Variants in SNX29 observed in about 807,000 individuals in gnomAD.
The protein encoded by SNX29 is sorting nexin 29.
In SNX29, 78 loss-of-function variants were observed where a neutral mutation model predicts 102.1. The observed-to-expected ratio is 0.76, with a 90% CI of 0.64 to 0.92. The LOEUF (loss-of-function observed/expected upper bound fraction) is 0.92. Among genes scored for constraint, SNX29 ranks in the 40% least tolerant of loss-of-function variants. The probability of loss-of-function intolerance (pLI) is 0.00; values close to 1 mark genes in which losing one functional copy is unlikely to be tolerated. For synonymous variants in SNX29, 580 were observed against 414.5 expected (o/e 1.40, Z -4.85); for missense variants, 1,280 against 1,061.7 (o/e 1.21, Z -2.86).
At chr16:11,988,586 G>A (rs954666268) in intron 1 of SNX29, among the ~76,000 whole-genome samples, 2 of 152,130 alleles carry the variant, frequency 1.3e-5, no homozygotes. Context: ...TTTTTGTAGG[G>A]ACGGGGTGTC....
Position 12,402,846 on chromosome 16 carries a change from A to T in SNX29, c.1956-602A>T, listed in dbSNP as rs575872685. On this transcript the variant is annotated intron_variant, in intron 17 of 20. Transcript: ENST00000566228. ...TGAAAGAGAGGTATTTGTACCCATC[A>T]GCCTGGTTTTCTAACTTGTCATTTT... Among the ~76,000 whole-genome samples, 11 of 152,318 alleles carry T rather than the reference A, an allele frequency of 7.2e-5. No homozygotes were observed. In the East Asian group the frequency reaches 1.9e-3, roughly 27 times the overall value.
rs539814148 is a variant in SNX29 at position 12,096,842 on chromosome 16, G to T, written c.1402+17927G>T. On this transcript the variant is annotated intron_variant, in intron 11 of 20. Coordinates refer to ENST00000566228, the MANE Select transcript of SNX29 (RefSeq NM_032167.5). The surrounding 1 kb of genome is among the most constrained non-coding windows in gnomAD (Gnocchi z 4.2). The stretch of plus-strand genomic sequence containing the variant: ...ATGCTGGTCACTCATATAGACCCTG[G>T]ATTCCTTGCTCCCAGGAGGGGAAGG... Among the ~76,000 whole-genome samples the T allele has an allele frequency of 1.3e-5, 2 of 152,320 alleles. 1 individual carries two copies. The highest frequency in any genetic ancestry group is 4.8e-5 in the African/African-American group (2 of 41,580).
At chr16:12,516,000 G>C (rs1260846596) in intron 19 of SNX29, among the ~76,000 whole-genome samples, 1 of 152,132 alleles carries the variant, frequency 6.6e-6, no homozygotes, top group Non-Finnish European at 1.5e-5. Flanking sequence ...GGAAGCAGGG[G>C]AGGGGAGGAT....
intron 15 of SNX29, among the ~76,000 whole-genome samples, chr16:12,320,450 T>C (rs2151171987): frequency 6.6e-6 from 1 of 152,278 alleles, no homozygotes. Context: ...CAGGAAGCGC[T>C]CAGCCACCAT....
At chr16:12,170,597 G>T (rs1567274541) in intron 13 of SNX29, among the ~76,000 whole-genome samples, 1 of 151,966 alleles carries the variant, frequency 6.6e-6, no homozygotes, top group Non-Finnish European at 1.5e-5. Flanking sequence ...GCTCTGACAT[G>T]GGACGGAGGC....
intron 19 of SNX29, among the ~76,000 whole-genome samples, chr16:12,498,401 T>TAAA (rs71816642): frequency 4.0e-5 from 6 of 150,124 alleles, no homozygotes; most frequent in South Asian, 4.2e-4. Flanking sequence ...GTTTGGCATT[T>TAAA]AAAAAAAAAA....
intron 20 of SNX29, among the ~76,000 whole-genome samples, chr16:12,563,697 T>A (rs939363378): frequency 6.6e-6 from 1 of 152,180 alleles, no homozygotes. Flanking sequence ...TGGCCTCATG[T>A]AAGAGGAACA....
chr16:12,018,594 AAAAG>A (rs1018437483), intron 3 of SNX29, among the ~76,000 whole-genome samples: 15 of 152,016 alleles, frequency 9.9e-5, no homozygotes, highest in African/African-American at 3.1e-4. Context: ...AGAAAAAAAA[AAAAG>A]AAAGATATAT....
chr16:12,175,472 T>A (rs1371333166), intron 13 of SNX29, among the ~76,000 whole-genome samples: 1 of 151,546 alleles, frequency 6.6e-6, no homozygotes, highest in East Asian at 1.9e-4. Flanking sequence ...CTGCTAAAAA[T>A]ACAAAACAAA....
At chr16:12,458,053 G>C (rs555942748) in intron 18 of SNX29, among the ~76,000 whole-genome samples, 1 of 152,314 alleles carries the variant, frequency 6.6e-6, no homozygotes, top group East Asian at 1.9e-4. Context: ...GCTTTTCAAA[G>C]AGGAAGATTA....
intron 14 of SNX29, among the ~76,000 whole-genome samples, chr16:12,236,524 C>A (rs8054071): frequency 1.3e-5 from 2 of 152,152 alleles, no homozygotes; most frequent in Admixed American, 1.3e-4. Flanking sequence ...CATGACTTTC[C>A]GCATCCCTGA....
At chr16:12,204,726 G>T (rs1273089943) in intron 14 of SNX29, among the ~76,000 whole-genome samples, 2 of 152,238 alleles carry the variant, frequency 1.3e-5, no homozygotes, top group African/African-American at 4.8e-5. Context: ...AAAAAATTGG[G>T]AAGTCATCAG....
At chr16:12,527,972 C>T (rs981196245) in intron 20 of SNX29, among the ~76,000 whole-genome samples, 1 of 148,360 alleles carries the variant, frequency 6.7e-6, no homozygotes, top group Non-Finnish European at 1.5e-5. Flanking sequence ...CTACATGTGC[C>T]CACCACCATG....
chr16:12,117,577 A>G (rs940942030), intron 11 of SNX29, among the ~76,000 whole-genome samples: 2 of 152,234 alleles, frequency 1.3e-5, no homozygotes, highest in Non-Finnish European at 2.9e-5. Flanking sequence ...ACGTAAATTC[A>G]TAGAGACGCA....
intron 18 of SNX29, among the ~76,000 whole-genome samples, chr16:12,459,230 G>A (rs550841260): frequency 6.6e-6 from 1 of 150,776 alleles, no homozygotes; most frequent in Non-Finnish European, 1.5e-5. Flanking sequence ...TCTCTAGTAG[G>A]TTCCTCTCCT....
intron 11 of SNX29, among the ~76,000 whole-genome samples, chr16:12,086,149 GC>G (rs1280388811): frequency 1.3e-5 from 2 of 151,906 alleles, no homozygotes; most frequent in Non-Finnish European, 2.9e-5. Flanking sequence ...GACTACAGGC[GC>G]CCGCCACCAC....
rs569066657 is a variant in SNX29, at chr16:12,542,481, A to G, written c.2318+17640A>G. Among the ~76,000 whole-genome samples the G allele has an allele frequency of 3.2e-4, 49 of 152,340 alleles. 2 individuals are homozygous for G. In the South Asian group the frequency reaches 9.5e-3, roughly 30 times the overall value. On this transcript the variant is annotated intron_variant, in intron 20 of 20. Coordinates refer to ENST00000566228, the MANE Select transcript of SNX29 (RefSeq NM_032167.5). Reference sequence around the variant, plus strand: ...CAAGTAGCTGGGATTACAGGGACCCACTACCACACCTGGCTCATTTTTGTA... The same window carrying G: ...CAAGTAGCTGGGATTACAGGGACCCGCTACCACACCTGGCTCATTTTTGTA...
At chr16:12,049,184 G>C (rs1037636146) in intron 7 of SNX29, among the ~76,000 whole-genome samples, 11 of 152,152 alleles carry the variant, frequency 7.2e-5, no homozygotes, top group African/African-American at 2.7e-4. Flanking sequence ...TCTAGGCTCT[G>C]GGGAAGCAAA....
intron 10 of SNX29, among the ~76,000 whole-genome samples, chr16:12,076,846 A>C (rs2051598186): frequency 1.3e-5 from 2 of 152,196 alleles, no homozygotes; most frequent in African/African-American, 4.8e-5. Flanking sequence ...CCATGGTCTT[A>C]CCTGGAACAG....
Sources: gnomAD v4.1 joint callset for allele counts (sites outside exome capture counted in the v4.1 genomes callset) on GRCh38, gnomAD v4.1.1 for gene constraint, Gnocchi (gnomAD v3.1) non-coding constraint, MANE v1.5 for transcripts, NCBI Gene and HGNC (gene_info 2026-07-23, HGNC 2026-07-21) for gene names.